Variants in LIMS4 observed in about 807,000 individuals in gnomAD.
LIMS4 encodes the protein LIM and senescent cell antigen-like-containing domain protein 4.
At chr2:110,368,848 T>C in the LIMS4 span, among the ~76,000 whole-genome samples, 1 of 146,750 alleles carries the variant, frequency 6.8e-6, no homozygotes, top group Non-Finnish European at 1.5e-5. Context: ...TCCTAAATTG[T>C]TTCTTTGCTC....
chr2:110,395,940 T>C, the LIMS4 span, among the ~76,000 whole-genome samples: 1 of 141,268 alleles, frequency 7.1e-6, no homozygotes, highest in Non-Finnish European at 1.5e-5. Flanking sequence ...ACCAGCGTCC[T>C]AAAGAGACAT....
At chr2:110,361,980 C>A in the LIMS4 span, 5 of 1,204,010 alleles carry the variant, frequency 4.2e-6, no homozygotes, top group Non-Finnish European at 6.0e-6. Context: ...CATCAAAAAC[C>A]AACTCTCCTT....
the LIMS4 span, among the ~76,000 whole-genome samples, chr2:110,424,725 A>G: frequency 0.076 from 10,939 of 143,960 alleles, 1,216 homozygotes; most frequent in South Asian, 0.1. Flanking sequence ...AAGTGAAGCC[A>G]GCTGGACTCC....
chr2:110,364,791 CG>C, the LIMS4 span, among the ~76,000 whole-genome samples: 1 of 133,412 alleles, frequency 7.5e-6, no homozygotes, highest in East Asian at 2.2e-4. Flanking sequence ...CTCAAAGTAA[CG>C]GGATGGAGGA....
chr2:110,367,169 C>T, the LIMS4 span, among the ~76,000 whole-genome samples: 1 of 150,452 alleles, frequency 6.6e-6, no homozygotes, highest in African/African-American at 2.5e-5. Flanking sequence ...TCTCTAGATT[C>T]AATGTTATTC....
At chr2:110,360,755 C>A in the LIMS4 span, 49 of 1,599,462 alleles carry the variant, frequency 3.1e-5, no homozygotes, top group East Asian at 1.1e-3. Flanking sequence ...GATTCATCCT[C>A]GTGACTGGGT....
chr2:110,424,977 C>A, the LIMS4 span, among the ~76,000 whole-genome samples: 1 of 144,194 alleles, frequency 6.9e-6, no homozygotes, highest in Admixed American at 6.8e-5. Context: ...GCCACCACCC[C>A]AGCCGGCAGC....
At chr2:110,366,375 G>T in the LIMS4 span, among the ~76,000 whole-genome samples, 1 of 152,180 alleles carries the variant, frequency 6.6e-6, no homozygotes, top group East Asian at 1.9e-4. Context: ...TGGGATGCAA[G>T]GTTGGTTCAA....
At chr2:110,424,492 G>A in the LIMS4 span, among the ~76,000 whole-genome samples, 1 of 141,560 alleles carries the variant, frequency 7.1e-6, no homozygotes, top group African/African-American at 2.9e-5. Context: ...CCAACTGTCA[G>A]GTAAGCCCTG....
the LIMS4 span, among the ~76,000 whole-genome samples, chr2:110,392,436 CAAAA>C: frequency 7.6e-5 from 10 of 131,714 alleles, no homozygotes; most frequent in Non-Finnish European, 1.5e-4. Flanking sequence ...GAGTCCGTCT[CAAAA>C]AAAAAAAAAG....
the LIMS4 span, chr2:110,361,096 G>C: frequency 2.4e-6 from 2 of 837,952 alleles, no homozygotes; most frequent in Non-Finnish European, 4.0e-6. Context: ...TGGGGACCTT[G>C]GGGTCTTCTT....
chr2:110,389,867 G>A, the LIMS4 span, among the ~76,000 whole-genome samples: 1 of 147,270 alleles, frequency 6.8e-6, no homozygotes. Flanking sequence ...CATGACCAGG[G>A]CCCATAGCAT....
the LIMS4 span, among the ~76,000 whole-genome samples, chr2:110,390,875 CAT>C: frequency 6.6e-6 from 1 of 152,282 alleles, no homozygotes; most frequent in East Asian, 1.9e-4. Context: ...AGCCACAAAA[CAT>C]ATAAGTGGGG....
chr2:110,382,679 A>C, the LIMS4 span: 1 of 68,754 alleles, frequency 1.5e-5, no homozygotes, highest in Non-Finnish European at 2.6e-5. Context: ...TCAAACATAA[A>C]AAGTAACAAG....
the LIMS4 span, among the ~76,000 whole-genome samples, chr2:110,367,402 T>A: frequency 7.0e-6 from 1 of 143,880 alleles, no homozygotes; most frequent in Non-Finnish European, 1.5e-5. Context: ...TAGAAAAGGA[T>A]AAAGAACCCA....
the LIMS4 span, among the ~76,000 whole-genome samples, chr2:110,392,581 C>A: frequency 6.6e-6 from 1 of 152,098 alleles, no homozygotes; most frequent in Non-Finnish European, 1.5e-5. Flanking sequence ...CCTCCCCCAG[C>A]GCTGTGATGC....
At chr2:110,375,224 A>G in the LIMS4 span, 2 of 115,770 alleles carry the variant, frequency 1.7e-5, no homozygotes, top group Non-Finnish European at 3.6e-5. Context: ...AAGGATAGAC[A>G]ATGAACAAAT....
the LIMS4 span, among the ~76,000 whole-genome samples, chr2:110,366,715 T>A: frequency 7.2e-5 from 11 of 152,156 alleles, no homozygotes; most frequent in African/African-American, 2.7e-4. Context: ...GAGAAAGAAG[T>A]AAAGGCATCC....
chr2:110,373,661 G>T, the LIMS4 span, among the ~76,000 whole-genome samples: 1 of 151,584 alleles, frequency 6.6e-6, no homozygotes, highest in Non-Finnish European at 1.5e-5. Flanking sequence ...TCACAGGGCT[G>T]GTCAGCAGTA....
Sources: allele counts gnomAD v4.1 joint callset (sites outside exome capture counted in the v4.1 genomes callset), GRCh38; gene constraint gnomAD v4.1.1; transcripts MANE v1.5; gene names NCBI Gene and HGNC (gene_info 2026-07-23, HGNC 2026-07-21).